The following SLC44A2 variants were observed in gnomAD, a reference collection of about 807,000 sequenced individuals.
The protein encoded by SLC44A2 is choline transporter-like protein 2.
Under a neutral mutation model 90.8 loss-of-function variants are expected in SLC44A2, and 57 were observed. The ratio of observed to expected loss-of-function variants is 0.63; its 90% CI spans 0.51 to 0.78. SLC44A2 has a LOEUF of 0.78. Ranked by LOEUF, SLC44A2 falls within the 30% of genes least tolerant of loss-of-function variation. The pLI is 0.00. For synonymous variants in SLC44A2, 355 were observed against 360.7 expected, an observed-to-expected ratio of 0.98 and a Z score of 0.18; for missense variants, 794 against 919.7, an observed-to-expected ratio of 0.86 and a Z score of 1.77.
intron 17 of SLC44A2, 45 bp from the exon 18 acceptor site, chr19:10,637,811 A>G (rs1219967843): frequency 6.2e-7 from 1 of 1,613,378 alleles, no homozygotes; most frequent in Non-Finnish European, 8.5e-7. Context: ...ACCACCCCCC[A>G]TGCCCACCCA....
intron 1 of SLC44A2, among the ~76,000 whole-genome samples, chr19:10,615,911 T>C (rs1455117713): frequency 6.6e-6 from 1 of 151,982 alleles, no homozygotes; most frequent in Non-Finnish European, 1.5e-5. Context: ...ACACCTGTGA[T>C]CCCAGCACTT....
chr19:10,637,933 G>T lies in SLC44A2; in HGVS notation c.1769+4G>T. On this transcript the variant is annotated splice_donor_region_variant and intron_variant, in intron 18 of 21. Transcript: ENST00000335757. ...TGCTCATGAGAAACATCATCAGGTCGGGAATCATTATCATCTTCCTCCTGC... is the reference window on the plus strand; with the variant it reads ...TGCTCATGAGAAACATCATCAGGTCTGGAATCATTATCATCTTCCTCCTGC... 6.2e-7 allele frequency: 1 copy of T among 1,614,020 alleles called. No individual in the cohort carries two copies. The highest frequency in any genetic ancestry group is 1.6e-4 in the Middle Eastern group (1 of 6,062).
chr19:10,642,467 C>G lies in SLC44A2; in HGVS notation c.2014+16C>G. 6.2e-7 allele frequency: 1 copy of G among 1,612,166 alleles called. No homozygotes were observed. Among genetic ancestry groups the G allele is most frequent in the Non-Finnish European group, 8.5e-7 (1 of 1,178,250 alleles). ...CTCTGCTTCTGTGAGTGACCCCTCA[C>G]CCCAAACCTTGCTGGGCCCCGAATC... On this transcript the variant is annotated intron_variant, in intron 21 of 21. Transcript: ENST00000335757.
Position 10,643,748 on chromosome 19 carries a change from G to T in SLC44A2, c.*363G>T. The T allele has an allele frequency of 5.0e-6, 1 of 200,798 alleles. No homozygotes were observed. The highest frequency in any genetic ancestry group is 1.0e-5 in the Non-Finnish European group (1 of 97,634). 12.4% of individuals were successfully genotyped at this position (200,798 alleles called of 1,614,324 possible). A position where few individuals can be genotyped will look rare whatever the true frequency, so the allele number is the denominator to read the frequency against. On this transcript the variant is annotated 3_prime_UTR_variant, in exon 22 of 22. Transcript: ENST00000335757. ...CAGGAAGGACGGTGTTTGTGTCTGA[G>T]GGAGCTGCTGGCCACAGTGAACACC...
At chr19:10,637,118 G>A in intron 16 of SLC44A2, 1 of 237,614 alleles carries the variant, frequency 4.2e-6, no homozygotes, top group South Asian at 6.0e-5. Context: ...CACTTTGGGA[G>A]GCTGAGGCGA....
At position 10,628,855 on chromosome 19, in the gene SLC44A2, A is replaced by G. The variant is rs143368951; in HGVS notation, c.245+851A>G. ...TTTCCTCATCTCTAAAATGAGGATC[A>G]TAACAGTCCCACCCTCATGGGGCTA... On this transcript the variant is annotated intron_variant, in intron 4 of 21. Coordinates refer to ENST00000335757, the MANE Select transcript of SLC44A2 (RefSeq NM_020428.4). Among the ~76,000 whole-genome samples, 1,129 of 152,270 alleles carry G rather than the reference A, an allele frequency of 7.4e-3. 11 individuals are homozygous for G. The highest frequency in any genetic ancestry group is 0.014 in the Middle Eastern group (4 of 294).
In SLC44A2 at chr19:10,638,318, A is replaced by G. The variant is rs2067081255; in HGVS notation, c.1929+3A>G. 6.2e-7 allele frequency: 1 copy of G among 1,612,796 alleles called. No individual in the cohort carries two copies. The highest frequency in any genetic ancestry group is 1.1e-5 in the South Asian group (1 of 91,058). On this transcript the variant is annotated splice_donor_region_variant and intron_variant, in intron 20 of 21. Coordinates refer to ENST00000335757, the MANE Select transcript of SLC44A2 (RefSeq NM_020428.4). ...ATTATTACTGGGTTCCTATACTGGT[A>G]TGGACCTCTGGGGAGAGATGGGGGT...
upstream of SLC44A2, among the ~76,000 whole-genome samples, chr19:10,623,051 G>A (rs914013795): frequency 6.6e-6 from 1 of 151,484 alleles, no homozygotes; most frequent in African/African-American, 2.4e-5. Flanking sequence ...GCTGGTGGGT[G>A]GGGCCTGAAT....
Position 10,642,774 on chromosome 19 carries a change from G to T in SLC44A2, c.2014+323G>T, listed in dbSNP as rs2067131911. The T allele has an allele frequency of 7.1e-6, 9 of 1,260,730 alleles. No homozygotes were observed. The Admixed American group carries it at 1.1e-4, about 16-fold the overall frequency. The allele number at this position is 1,260,730 out of a possible 1,614,324, so 78.1% of individuals were successfully genotyped here. On this transcript the variant is annotated intron_variant, in intron 21 of 21. Coordinates refer to ENST00000335757, the MANE Select transcript of SLC44A2 (RefSeq NM_020428.4). Reference sequence around the variant, plus strand: ...GTCTCTCCATCTGTTTTTTTTGTTTGTTTTTTTCTTCTCTCTTCCTCTCCT... The same window carrying T: ...GTCTCTCCATCTGTTTTTTTTGTTTTTTTTTTTCTTCTCTCTTCCTCTCCT...
intron 14 of SLC44A2, 28 bp from the exon 15 acceptor site, chr19:10,636,295 G>A (rs1227977268): frequency 5.7e-6 from 9 of 1,587,844 alleles, no homozygotes; most frequent in Non-Finnish European, 7.7e-6. Flanking sequence ...GCCTCTTTTT[G>A]GACTCGGTTC....
chr19:10,632,476 T>C lies in SLC44A2; in HGVS notation c.823+320T>C, dbSNP rs1272503148. On this transcript the variant is annotated intron_variant, in intron 10 of 21. Transcript: ENST00000335757. ...GCTTGAACCTGGGAGGCGGAGGTTG[T>C]GGTGAGCCGAAATCACGCCATTGCA... 4.2e-5 allele frequency among the ~76,000 whole-genome samples: 6 copies of C among 142,590 alleles called. No homozygotes were observed. The Admixed American group carries it at 4.4e-4, about 10-fold the overall frequency. 93.5% of individuals were successfully genotyped at this position (142,590 alleles called of 152,430 possible).
At chr19:10,642,258 G>T in intron 20 of SLC44A2, 109 bp from the exon 21 acceptor site, 1 of 866,180 alleles carries the variant, frequency 1.2e-6, no homozygotes, top group South Asian at 1.4e-5. Flanking sequence ...AATCCAAAGA[G>T]GGTTTCTCAG....
In SLC44A2 at chr19:10,635,020, C is replaced by T; in HGVS notation, c.1002C>T (p.Ile334=). The part of the protein sequence containing the change: ...ILEVIIILLL[I]FLRKRILIAI... ...AAGTCATTATCATCTTGCTGCTCAT[C>T]TTTCTCCGGAAGAGAATTCTCATCG... The change falls in exon 12 of 22, where the codon ATC becomes ATT. Residue 334 remains isoleucine, a synonymous_variant. Coordinates refer to ENST00000335757, the MANE Select transcript of SLC44A2 (RefSeq NM_020428.4). The T allele has an allele frequency of 6.2e-7, 1 of 1,614,196 alleles. No homozygotes were observed. The highest frequency in any genetic ancestry group is 8.5e-7 in the Non-Finnish European group (1 of 1,180,058).
rs775531308 is a variant in SLC44A2 at position 10,638,047 on chromosome 19, T to G, written c.1794T>G (p.Thr598=). ...GAGTGGCTGTCCTGGATAAAGTTAC[T>G]GACTTCCTCTTCCTGTTGGGCAAAC... The part of the protein sequence containing the change: ...IIRVAVLDKV[T]DFLFLLGKLL... The change falls in exon 19 of 22, where the codon ACT becomes ACG. Residue 598 remains threonine, a synonymous_variant. Transcript: ENST00000335757. The G allele has an allele frequency of 1.9e-6, 3 of 1,614,100 alleles. No homozygotes were observed. Among genetic ancestry groups the G allele is most frequent in the Non-Finnish European group, 2.5e-6 (3 of 1,180,010 alleles).
intron 20 of SLC44A2, among the ~76,000 whole-genome samples, chr19:10,639,374 A>G (rs904783131): frequency 1.3e-5 from 2 of 152,162 alleles, no homozygotes; most frequent in African/African-American, 4.8e-5. Flanking sequence ...AAACTGGGAC[A>G]TGCCACGAGT....
At chr19:10,638,644 AT>A (rs537143453) in intron 20 of SLC44A2, among the ~76,000 whole-genome samples, 2,118 of 148,844 alleles carry the variant, frequency 0.014, 48 homozygotes, top group African/African-American at 0.048. Context: ...TTTTAATTTA[AT>A]TTTTTTTTTG....
intron 1 of SLC44A2, among the ~76,000 whole-genome samples, chr19:10,604,975 C>T (rs1411327425): frequency 6.6e-6 from 1 of 152,164 alleles, no homozygotes; most frequent in African/African-American, 2.4e-5. Flanking sequence ...CCTTCCCAGC[C>T]AGCCCACCCT....
Position 10,626,174 on chromosome 19 carries a change from G to A in SLC44A2, c.38-79G>A, listed in dbSNP as rs1259215493. 7 of 1,172,896 alleles carry A rather than the reference G, an allele frequency of 6.0e-6. No individual in the cohort carries two copies. The East Asian group carries it at 1.6e-4, about 27-fold the overall frequency. The allele number at this position is 1,172,896 out of a possible 1,614,324, so 72.7% of individuals were successfully genotyped here. A position where few individuals can be genotyped will look rare whatever the true frequency, so the allele number is the denominator to read the frequency against. On this transcript the variant is annotated intron_variant, in intron 1 of 21. Coordinates refer to ENST00000335757, the MANE Select transcript of SLC44A2 (RefSeq NM_020428.4). The stretch of plus-strand genomic sequence containing the variant: ...TGCCAAGGCAAAGACACCCCTAGGG[G>A]CTTTTGGGAGGGGGCTCTCCCAGCC...
chr19:10,634,908 C>T, intron 11 of SLC44A2, 21 bp downstream of exon 11: 4 of 1,614,182 alleles, frequency 2.5e-6, no homozygotes, highest in Non-Finnish European at 3.4e-6. Flanking sequence ...GTCTCCCATT[C>T]CTGCCCCCAC....
Sources: gnomAD v4.1 joint callset for allele counts (sites outside exome capture counted in the v4.1 genomes callset) on GRCh38, gnomAD v4.1.1 for gene constraint, MANE v1.5 for transcripts, NCBI Gene and HGNC (gene_info 2026-07-23, HGNC 2026-07-21) for gene names.